Variants in CDH23 observed in about 807,000 individuals in gnomAD.
The protein encoded by CDH23 is cadherin related 23.
Under a neutral mutation model 317.1 loss-of-function variants are expected in CDH23, and 189 were observed. That is an observed-to-expected ratio of 0.60 (90% confidence interval 0.53 to 0.67). The LOEUF is 0.67. Among genes scored for constraint, CDH23 ranks in the 30% least tolerant of loss-of-function variants. The pLI, the probability that CDH23 is intolerant of heterozygous loss-of-function variation, is 0.00. For synonymous variants in CDH23, 1,839 were observed against 1,876.8 expected (o/e 0.98, Z 0.52); for missense variants, 4,401 against 4,592.4 (o/e 0.96, Z 1.20).
At chr10:71,713,138 C>A (rs753318471) in intron 28 of CDH23, 1 of 778,630 alleles carries the variant, frequency 1.3e-6, no homozygotes, top group Non-Finnish European at 2.4e-6. Flanking sequence ...CACAATTTCC[C>A]GGAAAGGAGT....
chr10:71,462,110 A>G (rs1851023473), intron 3 of CDH23, among the ~76,000 whole-genome samples: 1 of 152,200 alleles, frequency 6.6e-6, no homozygotes, highest in Non-Finnish European at 1.5e-5. Flanking sequence ...GTGTCTCTGA[A>G]GCTCAGCTGG....
intron 18 of CDH23, among the ~76,000 whole-genome samples, chr10:71,683,721 GGAGTCCTTGTGCCTGGCACC>G (rs1864752803): frequency 6.6e-6 from 1 of 152,176 alleles, no homozygotes; most frequent in African/African-American, 2.4e-5. Flanking sequence ...CCTGGCTTCT[GGAGTCCTTGTGCCTGGCACC>G]TCAGACTTCA....
intron 11 of CDH23, among the ~76,000 whole-genome samples, chr10:71,630,755 A>C (rs1304816058): frequency 6.6e-6 from 1 of 152,188 alleles, no homozygotes; most frequent in Non-Finnish European, 1.5e-5. Context: ...GGGCTGCCTC[A>C]TAGCATTTAG....
intron 3 of CDH23, among the ~76,000 whole-genome samples, chr10:71,505,788 G>A (rs2132181688): frequency 6.6e-6 from 1 of 152,324 alleles, no homozygotes; most frequent in African/African-American, 2.4e-5. Flanking sequence ...TGGTGAGAAT[G>A]TAAAATAATA....
chr10:71,627,240 G>T (rs1341356451), intron 11 of CDH23, among the ~76,000 whole-genome samples: 1 of 152,176 alleles, frequency 6.6e-6, no homozygotes, highest in Non-Finnish European at 1.5e-5. Flanking sequence ...CCAAGATTTA[G>T]TCTCTCCAGG....
intron 9 of CDH23, among the ~76,000 whole-genome samples, chr10:71,614,921 A>G (rs1861100732): frequency 6.6e-6 from 1 of 152,230 alleles, no homozygotes; most frequent in Non-Finnish European, 1.5e-5. Flanking sequence ...CAGTACTTTA[A>G]TACATATCTT....
At position 71,792,834 on chromosome 10, in the gene CDH23, AAAAAAAAAAAAAAAAAAAATAT is replaced by A. The variant is rs1157654282; in HGVS notation, c.6254-346_6254-325del. Among the ~76,000 whole-genome samples, 733 of 76,696 alleles carry A rather than the reference AAAAAAAAAAAAAAAAAAAATAT, an allele frequency of 9.6e-3. 9 individuals are homozygous for A. The highest frequency in any genetic ancestry group is 0.025 in the African/African-American group (406 of 15,980). 50.3% of individuals were successfully genotyped at this position (76,696 alleles called of 152,430 possible). A position where few individuals can be genotyped will look rare whatever the true frequency, so the allele number is the denominator to read the frequency against. On this transcript the variant is annotated intron_variant, in intron 47 of 69. Coordinates refer to ENST00000224721, the MANE Select transcript of CDH23 (RefSeq NM_022124.6). The stretch of plus-strand genomic sequence containing the variant: ...AAGACTCCATCTAAAAAAAAAAAAA[AAAAAAAAAAAAAAAAAAAATAT>A]ATATATATATATATATATATGTCTC...
chr10:71,664,464 G>A (rs932699413), intron 14 of CDH23, among the ~76,000 whole-genome samples: 2 of 152,122 alleles, frequency 1.3e-5, no homozygotes, highest in African/African-American at 4.8e-5. Context: ...CCTCCTGCAG[G>A]GCTTAGCACC....
chr10:71,434,347 G>A (rs1326389351), intron 1 of CDH23, among the ~76,000 whole-genome samples: 1 of 152,242 alleles, frequency 6.6e-6, no homozygotes, highest in African/African-American at 2.4e-5. Context: ...CCCCCAGGGT[G>A]CGGGCTTTAC....
rs748421253 is a variant in CDH23 at position 71,784,409 on chromosome 10, C to T, written c.5491C>T (p.Leu1831Phe). Residue 1831 changes from leucine to phenylalanine, a missense_variant, in exon 42 of 70, where the codon CTC (leucine) becomes TTC (phenylalanine). By Grantham distance (22) the Leu-to-Phe change is conservative. Around this residue, in one of 3 missense-constraint regions of CDH23, gnomAD observed 3,068 missense variants for 3,203.3 expected, o/e 0.96. Coordinates refer to ENST00000224721, the MANE Select transcript of CDH23 (RefSeq NM_022124.6). ...ICARDRGMPPLSSTMLVGIRV... is the reference protein window; with the variant it reads ...ICARDRGMPPFSSTMLVGIRV... Reference sequence around the variant, plus strand: ...TGCCCGTGACCGGGGGATGCCCCCACTCAGCTCCACAGTGAGTCTGGGGGC... The same window carrying T: ...TGCCCGTGACCGGGGGATGCCCCCATTCAGCTCCACAGTGAGTCTGGGGGC... The T allele has an allele frequency of 6.2e-7, 1 of 1,613,256 alleles. No homozygotes were observed. The highest frequency in any genetic ancestry group is 8.5e-7 in the Non-Finnish European group (1 of 1,179,472).
At chr10:71,772,804 AGGTG>A (rs1840717483) in intron 38 of CDH23, among the ~76,000 whole-genome samples, 1 of 152,202 alleles carries the variant, frequency 6.6e-6, no homozygotes, top group Non-Finnish European at 1.5e-5. Context: ...AATAGGGACC[AGGTG>A]GGCAGTGCTG....
At chr10:71,810,423 T>G (rs780713151) in intron 61 of CDH23, 49 bp from the exon 62 acceptor site, 1 of 1,558,138 alleles carries the variant, frequency 6.4e-7, no homozygotes, top group South Asian at 1.1e-5. Flanking sequence ...CCCATCCCTG[T>G]GGCCCCCTGC....
intron 3 of CDH23, among the ~76,000 whole-genome samples, chr10:71,498,322 T>C (rs74953327): frequency 0.017 from 2,599 of 152,200 alleles, 60 homozygotes; most frequent in African/African-American, 0.054. Context: ...GTCCTCAACC[T>C]CCTGTCCTTG....
chr10:71,496,707 A>T (rs974615334), intron 3 of CDH23, among the ~76,000 whole-genome samples: 2 of 152,240 alleles, frequency 1.3e-5, no homozygotes, highest in African/African-American at 4.8e-5. Flanking sequence ...GAACCTCAGA[A>T]ATCATCAAGA....
chr10:71,706,963 A>T lies in CDH23; in HGVS notation c.3020A>T (p.Asp1007Val). 2 of 1,607,510 alleles carry T rather than the reference A, an allele frequency of 1.2e-6. No homozygotes were observed. Among genetic ancestry groups the T allele is most frequent in the Non-Finnish European group, 8.5e-7 (1 of 1,177,270 alleles). ...GTGTACAATGTGTCTGTGTCCGAGG[A>T]CGTGCCACGCGAGTTCCGGGTGGTC... ...PAVYNVSVSE[D>V]VPREFRVVWL... Residue 1007 changes from aspartate (D) to valine (V), a missense_variant, in exon 26 of 70, where the codon GAC (aspartate) becomes GTC (valine). By Grantham distance (152) the Asp-to-Val change is radical (BLOSUM62 -3). Around this residue, in one of 3 missense-constraint regions of CDH23, gnomAD observed 3,068 missense variants for 3,203.3 expected, o/e 0.96. Coordinates refer to ENST00000224721, the MANE Select transcript of CDH23 (RefSeq NM_022124.6).
chr10:71,602,092 A>T lies in CDH23; in HGVS notation c.833-13412A>T, dbSNP rs377224417. Reference sequence around the variant, plus strand: ...GGCTCCCTGAACCTCGTCCGACCACATCTATTTCTGGGCTGCAGAGTCCTG... The same window carrying T: ...GGCTCCCTGAACCTCGTCCGACCACTTCTATTTCTGGGCTGCAGAGTCCTG... On this transcript the variant is annotated intron_variant, in intron 9 of 69. Coordinates refer to ENST00000224721, the MANE Select transcript of CDH23 (RefSeq NM_022124.6). Among the ~76,000 whole-genome samples, 14 of 152,244 alleles carry T rather than the reference A, an allele frequency of 9.2e-5. 1 individual carries two copies. Among genetic ancestry groups the T allele is most frequent in the African/African-American group, 3.4e-4 (14 of 41,528 alleles).
chr10:71,648,989 C>A (rs192544603), intron 14 of CDH23, among the ~76,000 whole-genome samples: 1 of 152,334 alleles, frequency 6.6e-6, no homozygotes, highest in African/African-American at 2.4e-5. Context: ...CCTATCCATG[C>A]CACTCTTAGC....
intron 28 of CDH23, chr10:71,714,978 G>C (rs1256749313): frequency 6.6e-6 from 1 of 152,286 alleles, no homozygotes; most frequent in Non-Finnish European, 1.5e-5. Context: ...TGCTTTGACG[G>C]GTCATCAGCA....
In CDH23 at chr10:71,751,010, A is replaced by G. The variant is rs1839984294; in HGVS notation, c.4845+9089A>G. On this transcript the variant is annotated intron_variant, in intron 38 of 69. Transcript: ENST00000224721. The surrounding 1 kb of genome is among the most constrained non-coding windows in gnomAD (Gnocchi z 4.9). ...TTGGCATCTGTAGCTGGTGAATTTC[A>G]GGTCTCTAGGGGAGAATCTCAGCAC... 4.3e-6 allele frequency: 2 copies of G among 466,206 alleles called. No homozygotes were observed. Among genetic ancestry groups the G allele is most frequent in the Non-Finnish European group, 7.7e-6 (2 of 260,034 alleles). The allele number at this position is 466,206 out of a possible 1,614,324, so 28.9% of individuals were successfully genotyped here.
Sources: allele counts gnomAD v4.1 joint callset (sites outside exome capture counted in the v4.1 genomes callset), GRCh38; gene constraint gnomAD v4.1.1; regional missense constraint gnomAD v4.1.1; non-coding constraint Gnocchi (gnomAD v3.1); transcripts MANE v1.5; gene names NCBI Gene and HGNC (gene_info 2026-07-23, HGNC 2026-07-21).